AFG2A: variants seen among roughly 807,000 people sequenced by gnomAD.
The protein encoded by AFG2A is AAA ATPase AFG2A.
chr4:123,171,367 A>G, the AFG2A span, among the ~76,000 whole-genome samples: 2 of 152,180 alleles, frequency 1.3e-5, no homozygotes, highest in East Asian at 1.9e-4. Context: ...ATGGCCAACT[A>G]AGGAAACAAA....
the AFG2A span, among the ~76,000 whole-genome samples, chr4:123,287,885 G>T: frequency 6.6e-6 from 1 of 152,124 alleles, no homozygotes; most frequent in Non-Finnish European, 1.5e-5. Flanking sequence ...GACTTGAGGC[G>T]AGTGAACTGC....
At chr4:123,257,923 C>T in the AFG2A span, among the ~76,000 whole-genome samples, 1 of 152,172 alleles carries the variant, frequency 6.6e-6, no homozygotes, top group Non-Finnish European at 1.5e-5. Flanking sequence ...AAAAAAACCT[C>T]ATTTGGTGCC....
At chr4:123,287,390 G>A in the AFG2A span, among the ~76,000 whole-genome samples, 1 of 152,132 alleles carries the variant, frequency 6.6e-6, no homozygotes, top group Non-Finnish European at 1.5e-5. Context: ...AAATTGTGTG[G>A]TTCTGAAGTT....
At chr4:123,091,362 C>T in the AFG2A span, among the ~76,000 whole-genome samples, 1 of 152,196 alleles carries the variant, frequency 6.6e-6, no homozygotes. Flanking sequence ...GCTTATGATT[C>T]AGTATTAATG....
At chr4:122,962,586 T>C in the AFG2A span, among the ~76,000 whole-genome samples, 1 of 152,196 alleles carries the variant, frequency 6.6e-6, no homozygotes, top group African/African-American at 2.4e-5. Flanking sequence ...AAATGACATA[T>C]ACTATTTACT....
the AFG2A span, among the ~76,000 whole-genome samples, chr4:123,015,108 G>C: frequency 1.3e-5 from 2 of 151,720 alleles, no homozygotes; most frequent in Admixed American, 1.3e-4. Flanking sequence ...ATTTTTACTT[G>C]TCTGCACAAT....
At chr4:123,034,085 A>T in the AFG2A span, among the ~76,000 whole-genome samples, 2 of 151,138 alleles carry the variant, frequency 1.3e-5, no homozygotes, top group Non-Finnish European at 3.0e-5. Context: ...TTTTTAATAC[A>T]TTTTTTTTTC....
the AFG2A span, among the ~76,000 whole-genome samples, chr4:123,141,050 T>C: frequency 6.6e-6 from 1 of 152,202 alleles, no homozygotes; most frequent in African/African-American, 2.4e-5. Flanking sequence ...ATTTTGGACA[T>C]AACAGGCAAG....
chr4:123,132,780 C>CT, the AFG2A span, among the ~76,000 whole-genome samples: 2,033 of 129,210 alleles, frequency 0.016, 58 homozygotes, highest in African/African-American at 0.045. Flanking sequence ...GATTTCAATC[C>CT]TTTTTTTTTT....
At chr4:123,294,833 C>T in the AFG2A span, among the ~76,000 whole-genome samples, 6 of 152,054 alleles carry the variant, frequency 3.9e-5, no homozygotes, top group African/African-American at 1.4e-4. Flanking sequence ...AACCAGGGGC[C>T]AAGGATAATA....
At chr4:122,947,253 G>A in the AFG2A span, 2 of 1,607,586 alleles carry the variant, frequency 1.2e-6, no homozygotes, top group East Asian at 2.2e-5. Flanking sequence ...AAGGACAAGT[G>A]TTGGTTCTTG....
chr4:123,284,694 C>G, the AFG2A span, among the ~76,000 whole-genome samples: 1 of 151,946 alleles, frequency 6.6e-6, no homozygotes, highest in African/African-American at 2.4e-5. Context: ...TTCACTTTAC[C>G]CATTGAAGGA....
chr4:123,051,344 TGA>T, the AFG2A span, among the ~76,000 whole-genome samples: 1 of 151,884 alleles, frequency 6.6e-6, no homozygotes, highest in African/African-American at 2.4e-5. Flanking sequence ...AACTTAACTT[TGA>T]TTGCAAGATA....
the AFG2A span, among the ~76,000 whole-genome samples, chr4:123,189,809 C>CTTTTTTTGTTTT: frequency 1.6e-5 from 1 of 61,776 alleles, no homozygotes; most frequent in African/African-American, 6.7e-5. Flanking sequence ...AGGTCATTTG[C>CTTTTTTTGTTTT]TTTTTTTTTT....
At chr4:123,083,479 TTGTAA>T in the AFG2A span, among the ~76,000 whole-genome samples, 3 of 152,092 alleles carry the variant, frequency 2.0e-5, no homozygotes, top group Non-Finnish European at 4.4e-5. Flanking sequence ...GTAACATCAA[TTGTAA>T]TGTAATGTTT....
chr4:122,931,578 G>C, the AFG2A span, among the ~76,000 whole-genome samples: 1 of 152,084 alleles, frequency 6.6e-6, no homozygotes, highest in African/African-American at 2.4e-5. Context: ...CTTTCTGGTA[G>C]ATTTTATTTT....
the AFG2A span, chr4:122,923,136 T>C: frequency 2.0e-5 from 33 of 1,614,040 alleles, no homozygotes; most frequent in Non-Finnish European, 2.7e-5. Flanking sequence ...TAGGGTACCT[T>C]GTGACCATGT....
chr4:123,143,093 C>T, the AFG2A span, among the ~76,000 whole-genome samples: 1 of 149,736 alleles, frequency 6.7e-6, no homozygotes, highest in African/African-American at 2.4e-5. Context: ...GCAAATATTA[C>T]AAAATCCAAA....
chr4:123,022,059 C>T, the AFG2A span, among the ~76,000 whole-genome samples: 7 of 151,326 alleles, frequency 4.6e-5, no homozygotes, highest in Non-Finnish European at 7.4e-5. Context: ...AAGACTTAAA[C>T]GTTAGACCTA....
Sources: gnomAD v4.1 joint callset for allele counts (sites outside exome capture counted in the v4.1 genomes callset) on GRCh38, gnomAD v4.1.1 for gene constraint, MANE v1.5 for transcripts, NCBI Gene and HGNC (gene_info 2026-07-23, HGNC 2026-07-21) for gene names.